The following NFE2L2 variants were observed in gnomAD, a reference collection of about 807,000 sequenced individuals.
NFE2L2 encodes the protein NFE2 like bZIP transcription factor 2.
Under a neutral mutation model 49.6 loss-of-function variants are expected in NFE2L2, and 20 were observed. The ratio of observed to expected loss-of-function variants is 0.40; its 90% CI spans 0.28 to 0.59. NFE2L2 has a LOEUF of 0.59. NFE2L2 is among the 20% of genes least tolerant of loss of function. The pLI is 0.40. For missense variants in NFE2L2, 578 were observed against 714.2 expected (o/e 0.81, Z 2.17); for synonymous variants, 244 against 256.5 (o/e 0.95, Z 0.47).
chr2:177,238,116 A>G (rs1446749400), intron 1 of NFE2L2, among the ~76,000 whole-genome samples: 1 of 152,126 alleles, frequency 6.6e-6, no homozygotes, highest in Non-Finnish European at 1.5e-5. Flanking sequence ...AAACTCAAAT[A>G]CTTGTCCCTG....
intron 1 of NFE2L2, among the ~76,000 whole-genome samples, chr2:177,239,509 T>C (rs1689870366): frequency 6.6e-6 from 1 of 152,064 alleles, no homozygotes; most frequent in African/African-American, 2.4e-5. Context: ...AAACCCTGTC[T>C]CTACTAAAAA....
At chr2:177,241,697 A>T (rs2105469504) in intron 1 of NFE2L2, among the ~76,000 whole-genome samples, 1 of 152,116 alleles carries the variant, frequency 6.6e-6, no homozygotes, top group South Asian at 2.1e-4. Flanking sequence ...CTACAAAAAA[A>T]TTTAAAAATT....
rs555283186 is a variant in NFE2L2 at position 177,260,390 on chromosome 2, C to T, written c.45+4142G>A. Among the ~76,000 whole-genome samples, 14 of 152,310 alleles carry T rather than the reference C, an allele frequency of 9.2e-5. No homozygotes were observed. The South Asian group carries it at 2.9e-3, about 32-fold the overall frequency. Reference sequence around the variant, plus strand: ...ATCAGATCCTATAAGTCCTGCAGCACACTTAATTCAGACAAATAAGACAAT... The same window carrying T: ...ATCAGATCCTATAAGTCCTGCAGCATACTTAATTCAGACAAATAAGACAAT... On this transcript the variant is annotated intron_variant, in intron 1 of 4. Coordinates refer to ENST00000397062, the MANE Select transcript of NFE2L2 (RefSeq NM_006164.5).
intron 1 of NFE2L2, among the ~76,000 whole-genome samples, chr2:177,256,848 C>T (rs1690544996): frequency 6.6e-6 from 1 of 152,214 alleles, no homozygotes; most frequent in Non-Finnish European, 1.5e-5. Flanking sequence ...CAGAGTTACC[C>T]ACTCTCTTCT....
chr2:177,262,533 A>C (rs1290540868), intron 1 of NFE2L2, among the ~76,000 whole-genome samples: 3 of 152,262 alleles, frequency 2.0e-5, no homozygotes, highest in Non-Finnish European at 4.4e-5. Flanking sequence ...ACAACAATCT[A>C]ATATGAATCA....
intron 1 of NFE2L2, among the ~76,000 whole-genome samples, chr2:177,245,511 C>T (rs943302711): frequency 2.6e-5 from 4 of 152,316 alleles, no homozygotes; most frequent in Admixed American, 2.6e-4. Flanking sequence ...GCTTCTATTA[C>T]ACCTGGTGTT....
intron 1 of NFE2L2, among the ~76,000 whole-genome samples, chr2:177,237,083 T>A (rs1434152435): frequency 1.3e-5 from 2 of 152,224 alleles, no homozygotes; most frequent in African/African-American, 4.8e-5. Flanking sequence ...TGGTCTTGAA[T>A]TCCCGGGCTC....
At chr2:177,232,316 G>T in intron 4 of NFE2L2, 76 bp downstream of exon 4, 1 of 1,320,456 alleles carries the variant, frequency 7.6e-7, no homozygotes, top group East Asian at 2.5e-5. Flanking sequence ...ATAAATAGGT[G>T]GTATATAAAT....
intron 1 of NFE2L2, among the ~76,000 whole-genome samples, chr2:177,236,833 G>GT (rs989431908): frequency 5.9e-5 from 9 of 151,566 alleles, no homozygotes; most frequent in South Asian, 2.1e-4. Context: ...ATTTTTTCGG[G>GT]TTTTTTTTCC....
At chr2:177,264,301 C>T (rs1219254894) in intron 1 of NFE2L2, 2 of 486,988 alleles carry the variant, frequency 4.1e-6, no homozygotes, top group Non-Finnish European at 7.1e-6. Context: ...CCCGCAACTT[C>T]CCACCCGTTC....
chr2:177,256,703 G>C (rs1177400537), intron 1 of NFE2L2, among the ~76,000 whole-genome samples: 1 of 152,116 alleles, frequency 6.6e-6, no homozygotes, highest in Non-Finnish European at 1.5e-5. Context: ...CTGATGACTA[G>C]AATTAGAAAA....
At chr2:177,262,338 G>C (rs148128831) in intron 1 of NFE2L2, among the ~76,000 whole-genome samples, 31 of 152,360 alleles carry the variant, frequency 2.0e-4, no homozygotes, top group African/African-American at 7.2e-4. Context: ...CTTGAAAAGA[G>C]TAATGGATGG....
At chr2:177,248,175 G>C (rs1236145545) in intron 1 of NFE2L2, among the ~76,000 whole-genome samples, 1 of 152,192 alleles carries the variant, frequency 6.6e-6, no homozygotes, top group African/African-American at 2.4e-5. Context: ...CCCCAGGTCT[G>C]ACCTAACTGA....
intron 1 of NFE2L2, among the ~76,000 whole-genome samples, chr2:177,252,062 C>T (rs1194653218): frequency 6.7e-6 from 1 of 150,362 alleles, no homozygotes; most frequent in Non-Finnish European, 1.5e-5. Flanking sequence ...ATGATCACAA[C>T]CACCATTTGC....
At chr2:177,249,544 C>G (rs1690258935) in intron 1 of NFE2L2, among the ~76,000 whole-genome samples, 1 of 152,140 alleles carries the variant, frequency 6.6e-6, no homozygotes, top group African/African-American at 2.4e-5. Flanking sequence ...GCAGCTAAAG[C>G]AGCACTAATA....
chr2:177,263,814 C>G, intron 1 of NFE2L2: 1 of 985,514 alleles, frequency 1.0e-6, no homozygotes, highest in Non-Finnish European at 1.2e-6. Context: ...CGGGGCCCGG[C>G]TCAGCCGCCA....
In NFE2L2 at chr2:177,231,386, G is replaced by C. The variant is rs1689542750; in HGVS notation, c.1217C>G (p.Pro406Arg). ...GCTCTGCCCCTGAGATGGTGACAAG[G>C]GTTGTACCATATCCCCAGAAGAATG... ...PVHSSGDMVQPLSPSQGQSTH... is the reference protein window; with the variant it reads ...PVHSSGDMVQRLSPSQGQSTH... Residue 406 changes from proline (P) to arginine (R), a missense_variant, in exon 5 of 5, where the codon CCC (proline) becomes CGC (arginine). Coordinates refer to ENST00000397062, the MANE Select transcript of NFE2L2 (RefSeq NM_006164.5). 1 of 1,614,250 alleles carries C rather than the reference G, an allele frequency of 6.2e-7. No individual in the cohort carries two copies. Among genetic ancestry groups the C allele is most frequent in the African/African-American group, 1.3e-5 (1 of 75,068 alleles).
chr2:177,260,816 G>A (rs1690705860), intron 1 of NFE2L2, among the ~76,000 whole-genome samples: 1 of 148,592 alleles, frequency 6.7e-6, no homozygotes, highest in Non-Finnish European at 1.5e-5. Context: ...GGCAGTTTCT[G>A]AAAAATGTGA....
chr2:177,239,826 A>G (rs897925504), intron 1 of NFE2L2, among the ~76,000 whole-genome samples: 3 of 152,210 alleles, frequency 2.0e-5, no homozygotes, highest in African/African-American at 4.8e-5. Context: ...AGAATGCAGC[A>G]ACAATAGGTT....
Sources: allele counts gnomAD v4.1 joint callset (sites outside exome capture counted in the v4.1 genomes callset), GRCh38; gene constraint gnomAD v4.1.1; transcripts MANE v1.5; gene names NCBI Gene and HGNC (gene_info 2026-07-23, HGNC 2026-07-21).